Variants in CLVS1 observed in about 807,000 individuals in gnomAD.
CLVS1 encodes the protein clavesin-1.
A neutral mutation model predicts 33.1 loss-of-function variants in CLVS1; 10 were observed. The ratio of observed to expected loss-of-function variants is 0.30; its 90% CI spans 0.19 to 0.51. The LOEUF (loss-of-function observed/expected upper bound fraction) is 0.51. CLVS1 is among the 20% of genes least tolerant of loss of function. CLVS1 has a pLI of 0.97. For missense variants in CLVS1, 343 were observed against 433.4 expected (o/e 0.79, Z 1.85); for synonymous variants, 163 against 166.1 (o/e 0.98, Z 0.14).
At chr8:61,132,332 G>A (rs1181309023) in intron 2 of CLVS1, among the ~76,000 whole-genome samples, 5 of 152,246 alleles carry the variant, frequency 3.3e-5, no homozygotes, top group Non-Finnish European at 1.5e-5. Flanking sequence ...TCCTGGAGAT[G>A]AGGGGGCACA....
At chr8:61,136,195 GT>G (rs1471895888) in intron 2 of CLVS1, among the ~76,000 whole-genome samples, 6 of 152,238 alleles carry the variant, frequency 3.9e-5, no homozygotes, top group African/African-American at 1.4e-4. Context: ...GCAGGGAAGA[GT>G]ATCACTGGAG....
chr8:61,265,143 A>T (rs548274483), intron 2 of CLVS1, among the ~76,000 whole-genome samples: 2 of 152,206 alleles, frequency 1.3e-5, no homozygotes, highest in Non-Finnish European at 2.9e-5. Context: ...ACATGGATGT[A>T]TGATAGGCAT....
At chr8:61,363,758 A>G (rs1258211414) in intron 2 of CLVS1, among the ~76,000 whole-genome samples, 1 of 152,244 alleles carries the variant, frequency 6.6e-6, no homozygotes, top group African/African-American at 2.4e-5. Context: ...TCTTAGAATT[A>G]GGCTGGAGCC....
the CLVS1 span, among the ~76,000 whole-genome samples, chr8:61,038,453 A>ATG: frequency 1.6e-4 from 24 of 147,162 alleles, no homozygotes; most frequent in East Asian, 4.5e-3. Context: ...ATATATATAT[A>ATG]TATGACATAT....
chr8:61,125,925 G>A (rs531180366), intron 1 of CLVS1, among the ~76,000 whole-genome samples: 10 of 151,166 alleles, frequency 6.6e-5, no homozygotes, highest in African/African-American at 2.4e-4. Flanking sequence ...AAACAGCCTC[G>A]TTGGTTTGAT....
intron 2 of CLVS1, among the ~76,000 whole-genome samples, chr8:61,311,221 ATG>A (rs1317615126): frequency 6.6e-6 from 1 of 152,162 alleles, no homozygotes; most frequent in Non-Finnish European, 1.5e-5. Context: ...AGAGTTTATA[ATG>A]TGCCTTGATT....
intron 1 of CLVS1, among the ~76,000 whole-genome samples, chr8:61,093,611 T>C (rs2129285012): frequency 6.6e-6 from 1 of 152,342 alleles, no homozygotes; most frequent in Non-Finnish European, 1.5e-5. Flanking sequence ...TAGTGCTGCA[T>C]GTCATAAATT....
intron 2 of CLVS1, chr8:61,203,141 A>G (rs908015970): frequency 8.4e-5 from 99 of 1,182,956 alleles, no homozygotes; most frequent in Non-Finnish European, 1.2e-4. Context: ...AGTGGAAGCC[A>G]AGTTCATCAA....
At chr8:61,149,607 G>C (rs1299351576) in intron 2 of CLVS1, among the ~76,000 whole-genome samples, 1 of 134,434 alleles carries the variant, frequency 7.4e-6, no homozygotes, top group Non-Finnish European at 1.6e-5. Context: ...AAAGACAACA[G>C]AAAAAAAGAG....
chr8:61,129,392 G>A (rs999909834), intron 1 of CLVS1, among the ~76,000 whole-genome samples: 3 of 152,214 alleles, frequency 2.0e-5, no homozygotes, highest in Admixed American at 6.5e-5. Context: ...CTACCAGAGG[G>A]ATGGTCAGGC....
intron 2 of CLVS1, among the ~76,000 whole-genome samples, chr8:61,262,599 G>T (rs1385312246): frequency 1.3e-5 from 2 of 152,176 alleles, no homozygotes; most frequent in Non-Finnish European, 2.9e-5. Context: ...TTCAAGGAAA[G>T]CACATGTGCT....
chr8:61,149,277 C>T (rs375332992), intron 2 of CLVS1, among the ~76,000 whole-genome samples: 122 of 152,124 alleles, frequency 8.0e-4, no homozygotes, highest in African/African-American at 2.9e-3. Context: ...ATCAGCCAGG[C>T]GCAATGGCTC....
At chr8:61,195,746 G>A (rs1472589650) in intron 2 of CLVS1, among the ~76,000 whole-genome samples, 1 of 151,988 alleles carries the variant, frequency 6.6e-6, no homozygotes, top group Non-Finnish European at 1.5e-5. Context: ...AAAAAAGGGG[G>A]AAAAGTGAAG....
chr8:60,978,084 A>G, the CLVS1 span, among the ~76,000 whole-genome samples: 1 of 152,260 alleles, frequency 6.6e-6, no homozygotes, highest in African/African-American at 2.4e-5. Flanking sequence ...GGAAAACTAA[A>G]TATTTCCAGA....
intron 2 of CLVS1, among the ~76,000 whole-genome samples, chr8:61,344,831 A>G (rs1812147876): frequency 6.6e-6 from 1 of 152,118 alleles, no homozygotes; most frequent in Non-Finnish European, 1.5e-5. Flanking sequence ...TTTGGTAAGT[A>G]GTAATATTAA....
At chr8:61,149,168 C>G (rs1027790330) in intron 2 of CLVS1, among the ~76,000 whole-genome samples, 1 of 151,940 alleles carries the variant, frequency 6.6e-6, no homozygotes, top group Non-Finnish European at 1.5e-5. Context: ...CCCAGGTGCC[C>G]AAGCCAATAC....
At chr8:61,430,646 A>T (rs940484773) in intron 3 of CLVS1, among the ~76,000 whole-genome samples, 4 of 152,154 alleles carry the variant, frequency 2.6e-5, no homozygotes, top group African/African-American at 9.7e-5. Context: ...AGTGATTTAC[A>T]AGCTGTCTTT....
At chr8:61,274,388 A>G (rs942546326) in intron 2 of CLVS1, among the ~76,000 whole-genome samples, 1 of 152,168 alleles carries the variant, frequency 6.6e-6, no homozygotes, top group South Asian at 2.1e-4. Flanking sequence ...TATTTCCCTG[A>G]GCTTAAATCT....
chr8:61,014,552 C>T, the CLVS1 span, among the ~76,000 whole-genome samples: 1 of 152,206 alleles, frequency 6.6e-6, no homozygotes, highest in Non-Finnish European at 1.5e-5. Flanking sequence ...CAACAACATG[C>T]ACTTTGAAAT....
Sources: allele counts gnomAD v4.1 joint callset (sites outside exome capture counted in the v4.1 genomes callset), GRCh38; gene constraint gnomAD v4.1.1; transcripts MANE v1.5; gene names NCBI Gene and HGNC (gene_info 2026-07-23, HGNC 2026-07-21).